Variants in IDS observed in about 807,000 individuals in gnomAD.
IDS encodes iduronate 2-sulfatase.
Under a neutral mutation model 33.5 loss-of-function variants are expected in IDS, and 1 was observed. That is an observed-to-expected ratio of 0.03 (90% CI 0.01 to 0.14). The LOEUF (loss-of-function observed/expected upper bound fraction) is 0.14, where lower values mean the gene tolerates loss of function less well. Among genes scored for constraint, IDS ranks in the 10% least tolerant of loss-of-function variants. The probability of loss-of-function intolerance (pLI) is 1.00; values close to 1 mark genes in which losing one functional copy is unlikely to be tolerated. For missense variants in IDS, 328 were observed against 448.0 expected (o/e 0.73, Z 2.42); for synonymous variants, 191 against 184.4 (o/e 1.04, Z -0.29).
At chrX:149,492,303 C>A (rs1557338836) in intron 6 of IDS, among the ~76,000 whole-genome samples, 1 of 111,717 alleles carries the variant, frequency 9.0e-6, no homozygotes, top group African/African-American at 3.3e-5. Context: ...AGGGGTGACA[C>A]AGGGGAATAA....
chrX:149,498,390 C>T, intron 4 of IDS, 83 bp from the exon 5 acceptor site: 1 of 780,248 alleles, frequency 1.3e-6, no homozygotes, highest in Non-Finnish European at 1.9e-6. Context: ...ATTTAATGTT[C>T]ACATAATCAG....
chrX:149,498,366 G>A, intron 4 of IDS, 59 bp from the exon 5 acceptor site: 1 of 938,432 alleles, frequency 1.1e-6, no homozygotes, highest in Non-Finnish European at 1.5e-6. Flanking sequence ...AAGCCATGAA[G>A]GCTACACACA....
chrX:149,505,230 C>G lies in IDS; in HGVS notation c.-93G>C. 1.7e-6 allele frequency: 1 copy of G among 604,643 alleles called. No homozygotes were observed. The highest frequency in any genetic ancestry group is 2.5e-6 in the Non-Finnish European group (1 of 397,356). The allele number at this position is 604,643 out of a possible 1,213,427, so 49.8% of individuals were successfully genotyped here. On this transcript the variant is annotated 5_prime_UTR_variant, in exon 1 of 9. Coordinates refer to ENST00000340855, the MANE Select transcript of IDS (RefSeq NM_000202.8). ...GCCGCCGCAGCCACAGAGACCTCCT[C>G]GTCGGGAACCCATGAAGACTGCGCA...
chrX:149,497,969 G>A (rs186813450), intron 5 of IDS, 138 bp downstream of exon 5: 7 of 506,335 alleles, frequency 1.4e-5, no homozygotes, highest in Non-Finnish European at 2.4e-5. Flanking sequence ...TTACTCCACT[G>A]AGGACACTAG....
intron 6 of IDS, among the ~76,000 whole-genome samples, chrX:149,495,100 A>C (rs1004376827): frequency 8.9e-6 from 1 of 112,100 alleles, no homozygotes; most frequent in Non-Finnish European, 1.9e-5. Context: ...CCACACATGA[A>C]TCAGCGCCCT....
chrX:149,504,874 G>C (rs1255239011), intron 1 of IDS, among the ~76,000 whole-genome samples, 161 bp downstream of exon 1: 3 of 106,691 alleles, frequency 2.8e-5, no homozygotes, highest in African/African-American at 1.0e-4. Context: ...AGGAAGGAGT[G>C]AAAAATGGAG....
chrX:149,498,949 C>T (rs1426857199), intron 4 of IDS, among the ~76,000 whole-genome samples: 2 of 112,208 alleles, frequency 1.8e-5, no homozygotes, highest in African/African-American at 6.5e-5. Flanking sequence ...AACACTTGTA[C>T]AAAAATGTCG....
intron 8 of IDS, among the ~76,000 whole-genome samples, chrX:149,485,589 G>C (rs1198233602): frequency 8.9e-6 from 1 of 112,127 alleles, no homozygotes; most frequent in African/African-American, 3.2e-5. Context: ...GGATATGTTA[G>C]GCTGGCTAAG....
Position 149,478,893 on chromosome X carries a change from G to T in IDS, c.*3853C>A, listed in dbSNP as rs782671741. On this transcript the variant is annotated 3_prime_UTR_variant, in exon 9 of 9. Coordinates refer to ENST00000340855, the MANE Select transcript of IDS (RefSeq NM_000202.8). Reference sequence around the variant, plus strand: ...ATAAATATGTTTGATTATTTTAAAAGGTGAAACCCATAACCAAAATTTAAA... The same window carrying T: ...ATAAATATGTTTGATTATTTTAAAATGTGAAACCCATAACCAAAATTTAAA... The T allele has an allele frequency of 6.5e-4, 73 of 112,839 alleles. No individual in the cohort carries two copies. Among genetic ancestry groups the T allele is most frequent in the African/African-American group, 2.3e-3 (70 of 31,100 alleles). 9.3% of individuals were successfully genotyped at this position (112,839 alleles called of 1,213,427 possible).
At chrX:149,485,476 G>C (rs1004421916) in intron 8 of IDS, among the ~76,000 whole-genome samples, 12 of 112,074 alleles carry the variant, frequency 1.1e-4, no homozygotes, top group African/African-American at 3.9e-4. Context: ...CAGGGGTTGA[G>C]ATTATTCCAT....
At chrX:149,499,860 T>C (rs1408362258) in intron 4 of IDS, among the ~76,000 whole-genome samples, 2 of 111,645 alleles carry the variant, frequency 1.8e-5, no homozygotes, top group Non-Finnish European at 3.8e-5. Flanking sequence ...AGGCACAGAA[T>C]GAAACCTCCT....
chrX:149,494,528 G>A (rs1477288481), intron 6 of IDS, among the ~76,000 whole-genome samples: 1 of 111,311 alleles, frequency 9.0e-6, no homozygotes, highest in African/African-American at 3.3e-5. Flanking sequence ...AGGGTGCAGT[G>A]AGATGGGCTT....
Position 149,480,902 on chromosome X carries a change from C to T in IDS, c.*1844G>A, listed in dbSNP as rs1050737544. The T allele has an allele frequency of 3.6e-5, 4 of 112,158 alleles. No homozygotes were observed. The highest frequency in any genetic ancestry group is 1.3e-4 in the African/African-American group (4 of 30,816). 9.2% of individuals were successfully genotyped at this position (112,158 alleles called of 1,213,427 possible). A position where few individuals can be genotyped will look rare whatever the true frequency, so the allele number is the denominator to read the frequency against. On this transcript the variant is annotated 3_prime_UTR_variant, in exon 9 of 9. Transcript: ENST00000340855. ...ACTAGTTCTGCTGTCAGCTAAACCACATGAAAGAACCCCTGCTCATGTGAA... is the reference window on the plus strand; with the variant it reads ...ACTAGTTCTGCTGTCAGCTAAACCATATGAAAGAACCCCTGCTCATGTGAA...
chrX:149,505,089 G>C lies in IDS; in HGVS notation c.49C>G (p.Leu17Val), dbSNP rs781834400. ...CCGAGGGCGACGCAGACGGAGCTCAGAACCAGACCCAGCCAGAGAAGGCCT... is the reference window on the plus strand; with the variant it reads ...CCGAGGGCGACGCAGACGGAGCTCACAACCAGACCCAGCCAGAGAAGGCCT... ...GRGLLWLGLV[L>V]SSVCVALGSE... Residue 17 changes from leucine to valine, a missense_variant, in exon 1 of 9, where the codon CTG (leucine) becomes GTG (valine). By Grantham distance (32) the Leu-to-Val change is conservative. Around this residue, in one of 4 missense-constraint regions of IDS, gnomAD observed 45 missense variants for 33.6 expected, o/e 1.34. Transcript: ENST00000340855. 1 of 1,206,180 alleles carries C rather than the reference G, an allele frequency of 8.3e-7. No homozygotes were observed. Among genetic ancestry groups the C allele is most frequent in the South Asian group, 1.8e-5 (1 of 56,609 alleles).
At chrX:149,492,307 G>A (rs1350246137) in intron 6 of IDS, among the ~76,000 whole-genome samples, 1 of 111,662 alleles carries the variant, frequency 9.0e-6, no homozygotes, top group Non-Finnish European at 1.9e-5. Context: ...GTGACACAGG[G>A]GAATAAGCCC....
chrX:149,483,340 A>G (rs782153727), intron 8 of IDS, 122 bp from the exon 9 acceptor site: 2 of 533,985 alleles, frequency 3.7e-6, no homozygotes, highest in Non-Finnish European at 6.4e-6. Flanking sequence ...TACAACATTT[A>G]TCTTTAGCAA....
chrX:149,487,690 T>G (rs782221979), intron 7 of IDS, among the ~76,000 whole-genome samples: 1 of 112,346 alleles, frequency 8.9e-6, no homozygotes, highest in East Asian at 2.8e-4. Context: ...TAACCTCAAT[T>G]AAAAACAACC....
chrX:149,498,174 G>A lies in IDS; in HGVS notation c.641C>T (p.Thr214Met), dbSNP rs61736892. ...QAIQLLEKMK[T>M]SASPFFLAVG... The stretch of plus-strand genomic sequence containing the variant: ...GGCCAGGAAGAAAGGACTGGCTGAC[G>A]TTTTCATCTTTTCCAACAACTGTAT... The change falls in exon 5 of 9, where the codon ACG becomes ATG. Residue 214 changes from threonine to methionine, a missense_variant. Physicochemically the swap from Thr to Met is moderately conservative, Grantham distance 81 (BLOSUM62 -1). Around this residue, in one of 4 missense-constraint regions of IDS, gnomAD observed 265 missense variants for 339.2 expected, o/e 0.78. Transcript: ENST00000340855. 3,151 of 1,210,141 alleles carry A rather than the reference G, an allele frequency of 2.6e-3. 50 individuals carry two copies. In the African/African-American group the frequency reaches 0.048, roughly 19 times the overall value.
At chrX:149,504,617 A>C (rs2089508896) in intron 1 of IDS, among the ~76,000 whole-genome samples, 1 of 110,194 alleles carries the variant, frequency 9.1e-6, no homozygotes, top group Non-Finnish European at 1.9e-5. Flanking sequence ...TGGATGGAGG[A>C]AGATAAGGAG....
Sources: allele counts gnomAD v4.1 joint callset (sites outside exome capture counted in the v4.1 genomes callset), GRCh38; gene constraint gnomAD v4.1.1; regional missense constraint gnomAD v4.1.1; transcripts MANE v1.5; gene names NCBI Gene and HGNC (gene_info 2026-07-23, HGNC 2026-07-21).